RBM47: variants seen among roughly 807,000 people sequenced by gnomAD.
RBM47 encodes RNA binding motif protein 47, also known as RNA-binding protein 47.
In RBM47, 21 loss-of-function variants were observed where a neutral mutation model predicts 47.1. The ratio of observed to expected loss-of-function variants is 0.45; its 90% CI spans 0.32 to 0.64. The LOEUF is 0.64. RBM47 is among the 30% of genes least tolerant of loss of function. The probability of loss-of-function intolerance (pLI) is 0.05; values close to 1 mark genes in which losing one functional copy is unlikely to be tolerated. For missense variants in RBM47, 708 were observed against 870.9 expected, an observed-to-expected ratio of 0.81 and a Z score of 2.35; for synonymous variants, 375 against 361.7, an observed-to-expected ratio of 1.04 and a Z score of -0.42.
rs35250968 is a variant in RBM47, at chr4:40,519,659, CTTTTTTTTTTT to C, written c.-155+24752_-155+24762del. On this transcript the variant is annotated intron_variant, in intron 2 of 6. Coordinates refer to ENST00000295971, the MANE Select transcript of RBM47 (RefSeq NM_001098634.2). ...TCCCACTTCCCTCTACCCTACCCTC[CTTTTTTTTTTT>C]TTTTTTTTTTTTTTTTGAGACGGAG... is the stretch of plus-strand genomic sequence containing the variant. Among the ~76,000 whole-genome samples, 26 of 96,320 alleles carry C rather than the reference CTTTTTTTTTTT, an allele frequency of 2.7e-4. 2 individuals carry two copies. The highest frequency in any genetic ancestry group is 4.6e-4 in the African/African-American group (12 of 26,092). The allele number at this position is 96,320 out of a possible 152,430, so 63.2% of individuals were successfully genotyped here.
At chr4:40,522,408 G>A (rs1044626777) in intron 2 of RBM47, among the ~76,000 whole-genome samples, 1 of 152,150 alleles carries the variant, frequency 6.6e-6, no homozygotes, top group African/African-American at 2.4e-5. Flanking sequence ...GGGAGGCTGA[G>A]GCAGGAGAAT....
chr4:40,483,452 C>T (rs946392278), intron 2 of RBM47, among the ~76,000 whole-genome samples: 8 of 152,112 alleles, frequency 5.3e-5, no homozygotes, highest in Non-Finnish European at 8.8e-5. Flanking sequence ...GTTATAACAC[C>T]CAGGAGAGGA....
In RBM47 at chr4:40,426,274, G is replaced by A. The variant is rs2131237; in HGVS notation, c.1543-131C>T. 1.4e-3 allele frequency: 1,690 copies of A among 1,193,100 alleles called. 17 individuals are homozygous for A. In the African/African-American group the frequency reaches 0.023, roughly 16 times the overall value. 73.9% of individuals were successfully genotyped at this position (1,193,100 alleles called of 1,614,324 possible). A position where few individuals can be genotyped will look rare whatever the true frequency, so the allele number is the denominator to read the frequency against. ...GCAAGGGAGAGAAAGGCAGAGGGGC[G>A]GGCAAACAGCAATTATTGTAAGCAA... On this transcript the variant is annotated intron_variant, in intron 6 of 6. Coordinates refer to ENST00000295971, the MANE Select transcript of RBM47 (RefSeq NM_001098634.2).
chr4:40,576,267 G>GAA (rs1732320959), intron 1 of RBM47, among the ~76,000 whole-genome samples: 1 of 133,264 alleles, frequency 7.5e-6, no homozygotes, highest in African/African-American at 2.9e-5. Context: ...GGGGGGGGGC[G>GAA]GAGACAGGGT....
At chr4:40,569,016 T>TAGACAGACAGACAGACAGAC (rs398063481) in intron 1 of RBM47, among the ~76,000 whole-genome samples, 1 of 98,810 alleles carries the variant, frequency 1.0e-5, no homozygotes, top group Non-Finnish European at 2.4e-5. Flanking sequence ...GATAGATAGA[T>TAGACAGACAGACAGACAGAC]AGACAGACAG....
rs1714884583 is a variant in RBM47, at chr4:40,425,406, A to G, written c.*498T>C. On this transcript the variant is annotated 3_prime_UTR_variant, in exon 7 of 7. Coordinates refer to ENST00000295971, the MANE Select transcript of RBM47 (RefSeq NM_001098634.2). ...TGCACTTTCCAGTATAACCTTTAAA[A>G]TAATGCTTTATGTAGTATTTTTAAG... 6.5e-6 allele frequency: 1 copy of G among 153,792 alleles called. No homozygotes were observed. Among genetic ancestry groups the G allele is most frequent in the African/African-American group, 2.4e-5 (1 of 41,460 alleles). The allele number at this position is 153,792 out of a possible 1,614,324, so 9.5% of individuals were successfully genotyped here. A position where few individuals can be genotyped will look rare whatever the true frequency, so the allele number is the denominator to read the frequency against.
chr4:40,450,418 ACT>A (rs1229029970), intron 3 of RBM47, among the ~76,000 whole-genome samples: 3 of 151,652 alleles, frequency 2.0e-5, no homozygotes, highest in South Asian at 2.1e-4. Context: ...ACATAGTGAA[ACT>A]CTGTCTCTAC....
chr4:40,426,249 G>A (rs1475031384), intron 6 of RBM47, 106 bp from the exon 7 acceptor site: 2 of 1,441,254 alleles, frequency 1.4e-6, no homozygotes, highest in Non-Finnish European at 1.9e-6. Context: ...AGACACAAAA[G>A]CAAGGGAGAG....
chr4:40,605,305 G>A (rs892649865), intron 1 of RBM47, among the ~76,000 whole-genome samples: 4 of 151,956 alleles, frequency 2.6e-5, no homozygotes, highest in Admixed American at 6.6e-5. Flanking sequence ...GATTACAGGC[G>A]TGAACCACTC....
chr4:40,592,388 G>A (rs189352336), intron 1 of RBM47, among the ~76,000 whole-genome samples: 1 of 150,060 alleles, frequency 6.7e-6, no homozygotes, highest in Admixed American at 6.6e-5. Context: ...CTAATAGCTA[G>A]GACCACAGGC....
intron 2 of RBM47, among the ~76,000 whole-genome samples, chr4:40,538,179 GA>G (rs1428619873): frequency 6.6e-6 from 1 of 152,110 alleles, no homozygotes; most frequent in Non-Finnish European, 1.5e-5. Flanking sequence ...CAGGCAGAAG[GA>G]AAGAAAAGGG....
At chr4:40,509,646 C>T (rs1724616525) in intron 2 of RBM47, among the ~76,000 whole-genome samples, 1 of 151,972 alleles carries the variant, frequency 6.6e-6, no homozygotes, top group Admixed American at 6.6e-5. Context: ...CTTTGGGAGG[C>T]CAAGGCAGGT....
At chr4:40,617,194 T>C (rs1262178721) in intron 1 of RBM47, among the ~76,000 whole-genome samples, 1 of 152,108 alleles carries the variant, frequency 6.6e-6, no homozygotes, top group African/African-American at 2.4e-5. Flanking sequence ...CATTTTCTTT[T>C]ATCTTTCTCT....
intron 6 of RBM47, among the ~76,000 whole-genome samples, chr4:40,432,203 TACACACACACACACAC>T (rs61008905): frequency 4.7e-4 from 69 of 147,742 alleles, no homozygotes; most frequent in Middle Eastern, 3.5e-3. Context: ...TCTCTCTCTT[TACACACACACACACAC>T]ACACACACAC....
At chr4:40,447,513 G>A (rs567242305) in intron 3 of RBM47, among the ~76,000 whole-genome samples, 1 of 152,220 alleles carries the variant, frequency 6.6e-6, no homozygotes, top group East Asian at 1.9e-4. Flanking sequence ...TGTACTACTG[G>A]GAAATATTAT....
chr4:40,619,266 A>C (rs2154280989), intron 1 of RBM47, among the ~76,000 whole-genome samples: 1 of 152,204 alleles, frequency 6.6e-6, no homozygotes, highest in African/African-American at 2.4e-5. Context: ...CTGTCTCTAC[A>C]AAAAAATCAA....
chr4:40,568,201 C>G (rs113705095), intron 1 of RBM47, among the ~76,000 whole-genome samples: 4,080 of 151,490 alleles, frequency 0.027, 206 homozygotes, highest in African/African-American at 0.093. Flanking sequence ...GAAGGCAGGA[C>G]GATCAATTGA....
At chr4:40,528,740 G>GA (rs1727021068) in intron 2 of RBM47, among the ~76,000 whole-genome samples, 1 of 152,076 alleles carries the variant, frequency 6.6e-6, no homozygotes, top group Non-Finnish European at 1.5e-5. Context: ...ACTCCAGCCT[G>GA]GGTGACAGAG....
At position 40,559,924 on chromosome 4, in the gene RBM47, CT is replaced by C. The variant is rs568414904; in HGVS notation, c.-239-15419del. Among the ~76,000 whole-genome samples, 211 of 152,170 alleles carry C rather than the reference CT, an allele frequency of 1.4e-3. No homozygotes were observed. The Middle Eastern group carries it at 0.02, about 15-fold the overall frequency. On this transcript the variant is annotated intron_variant, in intron 1 of 6. Transcript: ENST00000295971. Reference sequence around the variant, plus strand: ...ATTACAAGCCATTTCTAGTGTTTACCTTTTTTAAAATTTTGGCCAAATTACT... The same window carrying C: ...ATTACAAGCCATTTCTAGTGTTTACCTTTTTAAAATTTTGGCCAAATTACT...
Sources: allele counts gnomAD v4.1 joint callset (sites outside exome capture counted in the v4.1 genomes callset), GRCh38; gene constraint gnomAD v4.1.1; transcripts MANE v1.5; gene names NCBI Gene and HGNC (gene_info 2026-07-23, HGNC 2026-07-21).